The following PPP1R12B variants were observed in gnomAD, a reference collection of about 807,000 sequenced individuals.
The protein encoded by PPP1R12B is myosin phosphatase target subunit 2.
In PPP1R12B, 76 loss-of-function variants were observed where a neutral mutation model predicts 126.1. The observed-to-expected ratio is 0.60, with a 90% CI of 0.50 to 0.73. The LOEUF (loss-of-function observed/expected upper bound fraction) is 0.73. Ranked by LOEUF, PPP1R12B falls within the 30% of genes least tolerant of loss-of-function variation. PPP1R12B has a pLI of 0.00. For synonymous variants in PPP1R12B, 356 were observed against 434.7 expected (o/e 0.82, Z 2.25); for missense variants, 1,052 against 1,205.1 (o/e 0.87, Z 1.88).
intron 13 of PPP1R12B, among the ~76,000 whole-genome samples, chr1:202,451,811 C>T (rs1041673648): frequency 1.3e-4 from 20 of 151,292 alleles, no homozygotes; most frequent in African/African-American, 4.4e-4. Flanking sequence ...GACCCCCCAC[C>T]TCCCTCCCGG....
intron 15 of PPP1R12B, among the ~76,000 whole-genome samples, chr1:202,494,926 G>A (rs1487670267): frequency 1.3e-5 from 2 of 151,862 alleles, no homozygotes; most frequent in Non-Finnish European, 2.9e-5. Context: ...CATAAACCTT[G>A]CCTTTCAGCC....
chr1:202,534,509 A>G (rs1684322590), intron 18 of PPP1R12B, among the ~76,000 whole-genome samples: 1 of 150,444 alleles, frequency 6.6e-6, no homozygotes, highest in African/African-American at 2.4e-5. Context: ...TTCTTTATCT[A>G]TCTATATTGA....
At chr1:202,563,003 C>T (rs1280421414) in intron 20 of PPP1R12B, 81 bp downstream of exon 20, 13 of 1,415,160 alleles carry the variant, frequency 9.2e-6, no homozygotes, top group Non-Finnish European at 1.1e-5. Flanking sequence ...AGAAAAATTA[C>T]CATAGCTCTG....
chr1:202,512,233 G>A (rs1000730820), intron 18 of PPP1R12B, among the ~76,000 whole-genome samples: 6 of 152,292 alleles, frequency 3.9e-5, no homozygotes, highest in Middle Eastern at 3.4e-3. Context: ...AGATCATGCC[G>A]ATCTGACTTA....
intron 17 of PPP1R12B, among the ~76,000 whole-genome samples, chr1:202,496,560 C>T (rs754633629): frequency 3.9e-5 from 6 of 152,116 alleles, no homozygotes; most frequent in Non-Finnish European, 8.8e-5. Context: ...ATCCCTTTTC[C>T]AACTGTGGTT....
chr1:202,518,914 TCTG>T (rs1268370020), intron 18 of PPP1R12B, among the ~76,000 whole-genome samples: 1 of 152,208 alleles, frequency 6.6e-6, no homozygotes, highest in African/African-American at 2.4e-5. Flanking sequence ...TGGATAGAAA[TCTG>T]CTGGACACTC....
rs1342800795 is a variant in PPP1R12B at position 202,508,580 on chromosome 1, T to C, written c.2490+11758T>C. Among the ~76,000 whole-genome samples the C allele has an allele frequency of 6.6e-6, 1 of 152,250 alleles. No homozygotes were observed. Among genetic ancestry groups the C allele is most frequent in the African/African-American group, 2.4e-5 (1 of 41,468 alleles). On this transcript the variant is annotated intron_variant, in intron 18 of 23. Transcript: ENST00000608999. This position sits in a 1 kb window ranked among gnomAD's most constrained non-coding sequence, Gnocchi z 4.5. ...AGGCAAACAACATGTTTGAGTATTA[T>C]GTCACCAAATAAAACATTGTATACT... is the stretch of plus-strand genomic sequence containing the variant.
intron 1 of PPP1R12B, among the ~76,000 whole-genome samples, chr1:202,388,161 A>G (rs933975658): frequency 6.6e-5 from 10 of 151,780 alleles, no homozygotes; most frequent in Non-Finnish European, 1.0e-4. Flanking sequence ...ATCCTTAGGA[A>G]TAATTGCCCA....
intron 23 of PPP1R12B, among the ~76,000 whole-genome samples, chr1:202,579,391 A>G (rs1641251608): frequency 6.6e-6 from 1 of 152,170 alleles, no homozygotes; most frequent in African/African-American, 2.4e-5. Context: ...TAGTCAAAGG[A>G]CACCTGTATT....
chr1:202,362,261 A>C (rs548479281), intron 1 of PPP1R12B, among the ~76,000 whole-genome samples: 17 of 152,168 alleles, frequency 1.1e-4, no homozygotes, highest in Admixed American at 3.9e-4. Flanking sequence ...TTTCCTCCCC[A>C]TGTTTAAATT....
chr1:202,444,320 C>G (rs1214982880), intron 12 of PPP1R12B, among the ~76,000 whole-genome samples: 3 of 152,106 alleles, frequency 2.0e-5, no homozygotes, highest in Non-Finnish European at 4.4e-5. Flanking sequence ...CTATTATAGT[C>G]AAGAAGTATT....
chr1:202,523,561 A>G (rs1440202151), intron 18 of PPP1R12B, among the ~76,000 whole-genome samples: 1 of 152,216 alleles, frequency 6.6e-6, no homozygotes, highest in Non-Finnish European at 1.5e-5. Flanking sequence ...GAAATAAATG[A>G]CAGGTGAGAG....
In PPP1R12B at chr1:202,562,751, T is replaced by C. The variant is rs771590623; in HGVS notation, c.2508-27T>C. 6 of 1,605,356 alleles carry C rather than the reference T, an allele frequency of 3.7e-6. No homozygotes were observed. In the South Asian group the frequency reaches 6.6e-5, roughly 18 times the overall value. Reference sequence around the variant, plus strand: ...CCACTACTTTGTTCTCAAAACCAATTTTTATCTTTAATATTATCTCCCACA... The same window carrying C: ...CCACTACTTTGTTCTCAAAACCAATCTTTATCTTTAATATTATCTCCCACA... On this transcript the variant is annotated intron_variant, in intron 19 of 23. Transcript: ENST00000608999.
In PPP1R12B at chr1:202,349,048, G is replaced by C; in HGVS notation, c.197G>C (p.Cys66Ser). 1.2e-6 allele frequency: 2 copies of C among 1,613,860 alleles called. No individual in the cohort carries two copies. The highest frequency in any genetic ancestry group is 1.7e-6 in the Non-Finnish European group (2 of 1,179,928). ...GACGGTGCTGTCTTTCTGGCCGCCT[G>C]CTCTAGCGGGGACACCGACGAGGTG... Reference protein sequence around the residue: ...FEDGAVFLAACSSGDTDEVRK... With the variant: ...FEDGAVFLAASSSGDTDEVRK... The change falls in exon 1 of 24, where the codon TGC becomes TCC. Residue 66 changes from cysteine to serine, a missense_variant. By Grantham distance (112) the Cys-to-Ser change is moderately radical. Transcript: ENST00000608999.
At chr1:202,386,179 C>T (rs1001901643) in intron 1 of PPP1R12B, among the ~76,000 whole-genome samples, 13 of 152,020 alleles carry the variant, frequency 8.6e-5, no homozygotes, top group African/African-American at 2.7e-4. Flanking sequence ...ATGATCCACC[C>T]GACCTCCCAA....
At chr1:202,360,223 A>C (rs996926663) in intron 1 of PPP1R12B, among the ~76,000 whole-genome samples, 1 of 152,196 alleles carries the variant, frequency 6.6e-6, no homozygotes, top group African/African-American at 2.4e-5. Flanking sequence ...TACTTCCATG[A>C]GAAGGCAAAT....
At chr1:202,471,727 C>T in intron 13 of PPP1R12B, 1 of 541,468 alleles carries the variant, frequency 1.8e-6, no homozygotes, top group East Asian at 3.2e-5. Context: ...TTTGTGAATT[C>T]CTGATTATGT....
intron 3 of PPP1R12B, among the ~76,000 whole-genome samples, chr1:202,424,070 G>T (rs866808017): frequency 6.6e-6 from 1 of 152,096 alleles, no homozygotes; most frequent in Non-Finnish European, 1.5e-5. Flanking sequence ...GCTTTAAAAT[G>T]TACAAACAAC....
chr1:202,511,520 G>A (rs185136071), intron 18 of PPP1R12B, among the ~76,000 whole-genome samples: 1 of 152,002 alleles, frequency 6.6e-6, no homozygotes, highest in Admixed American at 6.6e-5. Context: ...CCCGGCATAT[G>A]TAGTCTTTTA....
Sources: gnomAD v4.1 joint callset for allele counts (sites outside exome capture counted in the v4.1 genomes callset) on GRCh38, gnomAD v4.1.1 for gene constraint, Gnocchi (gnomAD v3.1) non-coding constraint, MANE v1.5 for transcripts, NCBI Gene and HGNC (gene_info 2026-07-23, HGNC 2026-07-21) for gene names.